GPC5: variants seen among roughly 807,000 people sequenced by gnomAD.
The protein encoded by GPC5 is glypican 5.
In GPC5, 47 loss-of-function variants were observed where a neutral mutation model predicts 53.9. The observed-to-expected ratio is 0.87, with a 90% CI of 0.69 to 1.11. The LOEUF is 1.11. Ranked by LOEUF, GPC5 falls within the 50% of genes most tolerant of loss-of-function variation. The pLI is 0.00. For missense variants in GPC5, 748 were observed against 713.1 expected (o/e 1.05, Z -0.56); for synonymous variants, 286 against 263.3 (o/e 1.09, Z -0.84).
chr13:91,798,361 C>A (rs1370545663), intron 5 of GPC5, among the ~76,000 whole-genome samples: 1 of 152,068 alleles, frequency 6.6e-6, no homozygotes, highest in East Asian at 1.9e-4. Context: ...TCCCCGACAG[C>A]CCCCAATGTA....
At chr13:92,268,975 A>G (rs962153754) in intron 7 of GPC5, among the ~76,000 whole-genome samples, 2 of 151,942 alleles carry the variant, frequency 1.3e-5, no homozygotes, top group African/African-American at 4.8e-5. Flanking sequence ...TGGTTGTTAT[A>G]TTCATATTTA....
chr13:92,290,430 C>T (rs1461225750), intron 7 of GPC5, among the ~76,000 whole-genome samples: 2 of 152,224 alleles, frequency 1.3e-5, no homozygotes, highest in South Asian at 2.1e-4. Context: ...TTGGCGCACC[C>T]GTCACCCAAA....
intron 7 of GPC5, among the ~76,000 whole-genome samples, chr13:92,710,643 G>A (rs1040307289): frequency 2.6e-5 from 4 of 152,110 alleles, no homozygotes; most frequent in Admixed American, 1.3e-4. Context: ...TGGGGACCTC[G>A]CTTAACACAC....
chr13:92,481,472 A>G (rs780850088), intron 7 of GPC5, among the ~76,000 whole-genome samples: 2 of 152,090 alleles, frequency 1.3e-5, no homozygotes, highest in Non-Finnish European at 2.9e-5. Context: ...ACAAACATGT[A>G]TGCGCAAAAA....
At chr13:92,602,231 A>ATATCATATATATATAT (rs1555294283) in intron 7 of GPC5, among the ~76,000 whole-genome samples, 1 of 4,968 alleles carries the variant, frequency 2.0e-4, no homozygotes, top group African/African-American at 2.6e-4. Flanking sequence ...ATATATATAT[A>ATATCATATATATATAT]ACATATATAT....
chr13:91,990,482 C>T (rs929358795), intron 6 of GPC5, among the ~76,000 whole-genome samples: 1 of 151,968 alleles, frequency 6.6e-6, no homozygotes, highest in African/African-American at 2.4e-5. Flanking sequence ...ATGGTAACAC[C>T]AAGACAAAGG....
chr13:91,927,540 G>T (rs1474362259), intron 6 of GPC5, among the ~76,000 whole-genome samples: 2 of 151,994 alleles, frequency 1.3e-5, no homozygotes, highest in Non-Finnish European at 2.9e-5. Flanking sequence ...TAGAATATTT[G>T]CAGTCTATGG....
At chr13:92,381,880 T>TATATATGA (rs1555331657) in intron 7 of GPC5, among the ~76,000 whole-genome samples, 724 of 42,990 alleles carry the variant, frequency 0.017, 12 homozygotes, top group South Asian at 0.033. Flanking sequence ...ATATATATGA[T>TATATATGA]TATATATATT....
chr13:92,430,415 C>T (rs758364842), intron 7 of GPC5, among the ~76,000 whole-genome samples: 5 of 152,128 alleles, frequency 3.3e-5, no homozygotes, highest in Admixed American at 6.6e-5. Context: ...AAACGTTCTG[C>T]AGGCAGTAAC....
At chr13:92,268,178 T>C (rs2042815364) in intron 7 of GPC5, among the ~76,000 whole-genome samples, 1 of 152,058 alleles carries the variant, frequency 6.6e-6, no homozygotes, top group Non-Finnish European at 1.5e-5. Flanking sequence ...GTTCTAATAT[T>C]GTATATAGCT....
chr13:92,527,243 A>G (rs1350385894), intron 7 of GPC5, among the ~76,000 whole-genome samples: 2 of 36,684 alleles, frequency 5.5e-5, no homozygotes, highest in African/African-American at 2.8e-4. Flanking sequence ...GAAAGAAAGA[A>G]AGAAAGAGAA....
intron 6 of GPC5, among the ~76,000 whole-genome samples, chr13:92,028,330 A>G (rs1197244959): frequency 1.3e-5 from 2 of 152,186 alleles, no homozygotes; most frequent in African/African-American, 4.8e-5. Context: ...TTTAAATATC[A>G]TATAGCATAT....
At chr13:91,828,354 G>A (rs1022091590) in intron 5 of GPC5, among the ~76,000 whole-genome samples, 3 of 67,866 alleles carry the variant, frequency 4.4e-5, no homozygotes, top group African/African-American at 1.1e-4. Flanking sequence ...TAGATAGGTA[G>A]GTAGGTAGGT....
chr13:92,202,317 T>G (rs2139062270), intron 7 of GPC5, among the ~76,000 whole-genome samples: 1 of 152,348 alleles, frequency 6.6e-6, no homozygotes, highest in East Asian at 1.9e-4. Context: ...CTATGTTTTG[T>G]GTTTTTCTTA....
At chr13:91,581,367 G>T (rs2030962867) in intron 2 of GPC5, among the ~76,000 whole-genome samples, 1 of 152,156 alleles carries the variant, frequency 6.6e-6, no homozygotes, top group African/African-American at 2.4e-5. Context: ...TGTAAAGTTG[G>T]ATTTGTACTG....
intron 7 of GPC5, among the ~76,000 whole-genome samples, chr13:92,852,899 T>A (rs1285232688): frequency 1.3e-5 from 2 of 152,146 alleles, no homozygotes; most frequent in African/African-American, 4.8e-5. Flanking sequence ...TTGGGGGCAA[T>A]TTGTTTTTCC....
intron 2 of GPC5, among the ~76,000 whole-genome samples, chr13:91,522,230 C>T (rs953211672): frequency 6.6e-5 from 10 of 152,250 alleles, no homozygotes; most frequent in South Asian, 4.1e-4. Context: ...CCACAGGTTG[C>T]GGGTGGGGCT....
chr13:92,214,205 A>C (rs1450495581), intron 7 of GPC5, among the ~76,000 whole-genome samples: 5 of 152,126 alleles, frequency 3.3e-5, no homozygotes, highest in African/African-American at 1.2e-4. Context: ...ATTTTTTTCT[A>C]TACTGCCTTA....
intron 2 of GPC5, among the ~76,000 whole-genome samples, chr13:91,664,873 A>C (rs2035070911): frequency 6.6e-6 from 1 of 152,248 alleles, no homozygotes; most frequent in Non-Finnish European, 1.5e-5. Flanking sequence ...GATGCAAATC[A>C]CATGCTTGCT....
Sources: allele counts gnomAD v4.1 joint callset (sites outside exome capture counted in the v4.1 genomes callset), GRCh38; gene constraint gnomAD v4.1.1; transcripts MANE v1.5; gene names NCBI Gene and HGNC (gene_info 2026-07-23, HGNC 2026-07-21).